The following REST variants were observed in gnomAD, a reference collection of about 807,000 sequenced individuals.
REST encodes the protein RE1 silencing transcription factor.
A neutral mutation model predicts 30.4 loss-of-function variants in REST; 1 was observed. That is an observed-to-expected ratio of 0.03 (90% CI 0.01 to 0.16). REST has a LOEUF of 0.16. Ranked by LOEUF, REST falls within the 10% of genes least tolerant of loss-of-function variation. REST has a pLI of 1.00. For missense variants in REST, 1,259 were observed against 1,329.5 expected (o/e 0.95, Z 0.82); for synonymous variants, 504 against 451.1 (o/e 1.12, Z -1.49).
intron 3 of REST, 72 bp downstream of exon 3, chr4:56,919,942 T>C (rs1249488534): frequency 4.4e-6 from 3 of 679,604 alleles, no homozygotes; most frequent in Admixed American, 5.0e-5. Context: ...TTTAGACTTG[T>C]AACCGAGTCA....
intron 3 of REST, 57 bp downstream of exon 3, chr4:56,919,927 A>G: frequency 1.2e-6 from 1 of 838,426 alleles, no homozygotes; most frequent in South Asian, 2.0e-5. Flanking sequence ...TTTTAAGGAA[A>G]TTCTTTTAGA....
chr4:56,928,494 C>T (rs2412770), intron 3 of REST, among the ~76,000 whole-genome samples: 32,660 of 151,858 alleles, frequency 0.22, 3,714 homozygotes, highest in Non-Finnish European at 0.25. Flanking sequence ...CAACTCCATG[C>T]TACTTCAGAT....
rs902623197 is a variant in REST, at chr4:56,932,360, A to G, written c.*208A>G. On this transcript the variant is annotated 3_prime_UTR_variant, in exon 4 of 4. Coordinates refer to ENST00000309042, the MANE Select transcript of REST (RefSeq NM_005612.5). ...ATCTAAGAGAGTGTACTAAACCAGC[A>G]GGTATCTGTTAGCTTATGTGTTTAA... 4 of 526,104 alleles carry G rather than the reference A, an allele frequency of 7.6e-6. No individual in the cohort carries two copies. Among genetic ancestry groups the G allele is most frequent in the African/African-American group, 5.8e-5 (3 of 52,122 alleles). 32.6% of individuals were successfully genotyped at this position (526,104 alleles called of 1,614,324 possible). A position where few individuals can be genotyped will look rare whatever the true frequency, so the allele number is the denominator to read the frequency against.
rs988421127 is a variant in REST at position 56,908,054 on chromosome 4, C to T, written c.-169C>T. ...CGAGGCCCGGAGGCCTGAGCACCCT[C>T]TGCAGCCCCACTCCTGGGCCTTCTT... On this transcript the variant is annotated 5_prime_UTR_variant, in exon 1 of 4. Transcript: ENST00000309042. 2.8e-6 allele frequency: 1 copy of T among 362,650 alleles called. No homozygotes were observed. Among genetic ancestry groups the T allele is most frequent in the Non-Finnish European group, 4.9e-6 (1 of 202,446 alleles). 22.5% of individuals were successfully genotyped at this position (362,650 alleles called of 1,614,324 possible). A position where few individuals can be genotyped will look rare whatever the true frequency, so the allele number is the denominator to read the frequency against.
rs1553904746 is a variant in REST, at chr4:56,933,203, G to GA, written c.*1051_*1052insA. ...TTTTTATCTCAAATACCAACCATCAGTTTTTTTTTTCATGTGTTTTGGTAC... is the reference window on the plus strand; with the variant it reads ...TTTTTATCTCAAATACCAACCATCAGATTTTTTTTTTCATGTGTTTTGGTAC... On this transcript the variant is annotated 3_prime_UTR_variant, in exon 4 of 4. Transcript: ENST00000309042. The GA allele has an allele frequency of 6.7e-6, 1 of 148,822 alleles. No homozygotes were observed. Among genetic ancestry groups the GA allele is most frequent in the East Asian group, 2.0e-4 (1 of 5,104 alleles). The allele number at this position is 148,822 out of a possible 1,614,324, so 9.2% of individuals were successfully genotyped here. A position where few individuals can be genotyped will look rare whatever the true frequency, so the allele number is the denominator to read the frequency against.
At position 56,933,828 on chromosome 4, in the gene REST, C is replaced by A. The variant is rs974070779; in HGVS notation, c.*1676C>A. 4 of 152,138 alleles carry A rather than the reference C, an allele frequency of 2.6e-5. No individual in the cohort carries two copies. Among genetic ancestry groups the A allele is most frequent in the African/African-American group, 9.7e-5 (4 of 41,428 alleles). The allele number at this position is 152,138 out of a possible 1,614,324, so 9.4% of individuals were successfully genotyped here. ...TCTTGAATTCTGACCTCCCATACTCCGTTTTGAAATAACCACTTTATATTT... is the reference window on the plus strand; with the variant it reads ...TCTTGAATTCTGACCTCCCATACTCAGTTTTGAAATAACCACTTTATATTT... On this transcript the variant is annotated 3_prime_UTR_variant, in exon 4 of 4. Coordinates refer to ENST00000309042, the MANE Select transcript of REST (RefSeq NM_005612.5).
chr4:56,929,061 G>C (rs893306862), intron 3 of REST, among the ~76,000 whole-genome samples: 1 of 149,624 alleles, frequency 6.7e-6, no homozygotes, highest in Admixed American at 6.8e-5. Context: ...ACTATGCCTG[G>C]CTAATTTTTT....
At chr4:56,924,274 A>G (rs1054774215) in intron 3 of REST, among the ~76,000 whole-genome samples, 1 of 152,180 alleles carries the variant, frequency 6.6e-6, no homozygotes, top group Non-Finnish European at 1.5e-5. Flanking sequence ...AATTTTAAAA[A>G]CTATTTTATT....
intron 2 of REST, among the ~76,000 whole-genome samples, chr4:56,919,473 T>C (rs1005548277): frequency 5.3e-5 from 8 of 152,228 alleles, no homozygotes; most frequent in Admixed American, 5.2e-4. Context: ...CTTTGTACCT[T>C]ATCAAGATAG....
In REST at chr4:56,930,385, T is replaced by C. The variant is rs1418475729; in HGVS notation, c.1527T>C (p.Asn509=). 6.2e-7 allele frequency: 1 copy of C among 1,613,484 alleles called. No homozygotes were observed. Among genetic ancestry groups the C allele is most frequent in the Non-Finnish European group, 8.5e-7 (1 of 1,179,896 alleles). The change falls in exon 4 of 4, where the codon AAT becomes AAC. Residue 509 remains asparagine, a synonymous_variant. Coordinates refer to ENST00000309042, the MANE Select transcript of REST (RefSeq NM_005612.5). ...AGATGGATGTGCATACAGGAAGCAA[T>C]TCAGAAAAATTCAGTAAAACTAAGA... is the stretch of plus-strand genomic sequence containing the variant. ...VKEMDVHTGS[N]SEKFSKTKKS...
chr4:56,908,369 CG>C (rs1719718593), intron 1 of REST, among the ~76,000 whole-genome samples, 156 bp downstream of exon 1: 1 of 150,898 alleles, frequency 6.6e-6, no homozygotes, highest in African/African-American at 2.4e-5. Context: ...GCGGCCCCGC[CG>C]GGCGGGGGCT....
rs1338490024 is a variant in REST, at chr4:56,933,646, A to G, written c.*1494A>G. On this transcript the variant is annotated 3_prime_UTR_variant, in exon 4 of 4. Coordinates refer to ENST00000309042, the MANE Select transcript of REST (RefSeq NM_005612.5). ...GAATTGCAGCTATCCTGGTGTTCCT[A>G]TGAGGGCACTTTGTATGAAAAAGGG... 4 of 152,150 alleles carry G rather than the reference A, an allele frequency of 2.6e-5. No individual in the cohort carries two copies. The highest frequency in any genetic ancestry group is 2.1e-4 in the South Asian group (1 of 4,826). The allele number at this position is 152,150 out of a possible 1,614,324, so 9.4% of individuals were successfully genotyped here.
At chr4:56,927,900 C>T (rs981092700) in intron 3 of REST, among the ~76,000 whole-genome samples, 1 of 152,260 alleles carries the variant, frequency 6.6e-6, no homozygotes, top group African/African-American at 2.4e-5. Flanking sequence ...GCAATGCTAG[C>T]GCAGGAAGTT....
chr4:56,919,702 G>A (rs1720362649), intron 2 of REST, 85 bp from the exon 3 acceptor site: 4 of 730,256 alleles, frequency 5.5e-6, no homozygotes, highest in Non-Finnish European at 9.1e-6. Context: ...TGTGCTGAGC[G>A]CTGAACATTG....
In REST at chr4:56,932,161, T is replaced by A; in HGVS notation, c.*9T>A. 6.3e-7 allele frequency: 1 copy of A among 1,588,502 alleles called. No homozygotes were observed. The highest frequency in any genetic ancestry group is 8.6e-7 in the Non-Finnish European group (1 of 1,167,514). ...CTCAAGGGCAGGAGTAATGAAACTT[T>A]GAACAAGGTTTCAGTTCTTAGTTTG... On this transcript the variant is annotated 3_prime_UTR_variant, in exon 4 of 4. Transcript: ENST00000309042.
intron 2 of REST, among the ~76,000 whole-genome samples, chr4:56,913,170 AT>A (rs1009692420): frequency 7.9e-5 from 12 of 151,998 alleles, no homozygotes; most frequent in African/African-American, 2.4e-4. Flanking sequence ...TTATTTATTC[AT>A]TTATTGATTT....
intron 1 of REST, among the ~76,000 whole-genome samples, 194 bp downstream of exon 1, chr4:56,908,407 A>G (rs1488088256): frequency 3.3e-5 from 5 of 150,192 alleles, no homozygotes; most frequent in Non-Finnish European, 5.9e-5. Flanking sequence ...CGGGTTACAC[A>G]GCAGCCGCCC....
At position 56,930,910 on chromosome 4, in the gene REST, C is replaced by G; in HGVS notation, c.2052C>G (p.His684Gln). The G allele has an allele frequency of 1.2e-6, 2 of 1,613,296 alleles. No homozygotes were observed. Among genetic ancestry groups the G allele is most frequent in the Non-Finnish European group, 1.7e-6 (2 of 1,179,562 alleles). Residue 684 changes from histidine (H) to glutamine (Q), a missense_variant, in exon 4 of 4, where the codon CAC becomes CAG. His to Gln is a conservative substitution (Grantham distance 24). Coordinates refer to ENST00000309042, the MANE Select transcript of REST (RefSeq NM_005612.5). The part of the protein sequence containing the change: ...QMVGAQIVLA[H>Q]MELPPPMETA... ...TGGGTGCCCAAATTGTACTTGCTCA[C>G]ATGGAGCTGCCTCCTCCCATGGAGA...
chr4:56,910,010 T>C (rs1396744708), intron 1 of REST, among the ~76,000 whole-genome samples: 1 of 152,254 alleles, frequency 6.6e-6, no homozygotes, highest in Non-Finnish European at 1.5e-5. Flanking sequence ...ATAAATGTTT[T>C]TTCTTTTAAG....
Sources: allele counts gnomAD v4.1 joint callset (sites outside exome capture counted in the v4.1 genomes callset), GRCh38; gene constraint gnomAD v4.1.1; transcripts MANE v1.5; gene names NCBI Gene and HGNC (gene_info 2026-07-23, HGNC 2026-07-21).